Variants in PRKCE observed in about 807,000 individuals in gnomAD.
PRKCE encodes the protein protein kinase C epsilon.
Under a neutral mutation model 85.4 loss-of-function variants are expected in PRKCE, and 16 were observed. The observed-to-expected ratio is 0.19, with a 90% CI of 0.13 to 0.28. PRKCE has a LOEUF of 0.28. Among genes scored for constraint, PRKCE ranks in the 10% least tolerant of loss-of-function variants. PRKCE has a pLI of 1.00. For missense variants in PRKCE, 573 were observed against 975.2 expected (o/e 0.59, Z 5.49); for synonymous variants, 388 against 371.5 (o/e 1.04, Z -0.51).
intron 10 of PRKCE, among the ~76,000 whole-genome samples, chr2:46,072,102 C>A (rs1166553045): frequency 1.3e-5 from 2 of 152,208 alleles, no homozygotes; most frequent in Non-Finnish European, 2.9e-5. Context: ...CAGAGTAAAT[C>A]TGAATGGAAA....
intron 12 of PRKCE, among the ~76,000 whole-genome samples, chr2:46,147,833 A>G (rs1224541338): frequency 6.6e-6 from 1 of 152,222 alleles, no homozygotes; most frequent in Non-Finnish European, 1.5e-5. Flanking sequence ...TTGAGTCCAG[A>G]TTTGACCACA....
chr2:46,005,219 C>G (rs1368547698), intron 8 of PRKCE, among the ~76,000 whole-genome samples: 2 of 152,204 alleles, frequency 1.3e-5, no homozygotes, highest in Non-Finnish European at 2.9e-5. Flanking sequence ...CCAGATATCT[C>G]CTTCTGTCCG....
intron 6 of PRKCE, among the ~76,000 whole-genome samples, chr2:45,996,758 T>G (rs1037216633): frequency 6.6e-6 from 1 of 152,196 alleles, no homozygotes; most frequent in African/African-American, 2.4e-5. Flanking sequence ...GTTGAAGATT[T>G]TTTGCATTCA....
At chr2:46,037,298 G>A (rs1196825749) in intron 10 of PRKCE, among the ~76,000 whole-genome samples, 4 of 152,300 alleles carry the variant, frequency 2.6e-5, no homozygotes, top group Non-Finnish European at 4.4e-5. Context: ...GCGTACTGGC[G>A]CTGAAGATAA....
At chr2:45,871,462 G>A (rs758246429) in intron 2 of PRKCE, among the ~76,000 whole-genome samples, 18 of 152,206 alleles carry the variant, frequency 1.2e-4, no homozygotes, top group Non-Finnish European at 2.1e-4. Context: ...TAGTTGCTCC[G>A]TGGCTTTGCT....
intron 2 of PRKCE, among the ~76,000 whole-genome samples, chr2:45,913,305 G>A (rs191211584): frequency 1.3e-5 from 2 of 152,296 alleles, no homozygotes; most frequent in Admixed American, 6.5e-5. Context: ...GCACCATCAT[G>A]CCAGACTAAT....
At chr2:45,918,444 A>T (rs780235468) in intron 2 of PRKCE, among the ~76,000 whole-genome samples, 6 of 152,242 alleles carry the variant, frequency 3.9e-5, no homozygotes, top group Non-Finnish European at 8.8e-5. Context: ...TATCAACAAT[A>T]CATATTTAAG....
chr2:46,111,503 C>T (rs954478693), intron 11 of PRKCE, among the ~76,000 whole-genome samples: 3 of 152,188 alleles, frequency 2.0e-5, no homozygotes, highest in Admixed American at 2.0e-4. Context: ...GTCCTTCCAT[C>T]CCCTTACCCT....
In PRKCE at chr2:45,989,344, C is replaced by T. The variant is rs374358399; in HGVS notation, c.823+4664C>T. Among the ~76,000 whole-genome samples, 14 of 152,278 alleles carry T rather than the reference C, an allele frequency of 9.2e-5. No homozygotes were observed. In the East Asian group the frequency reaches 2.3e-3, roughly 25 times the overall value. On this transcript the variant is annotated intron_variant, in intron 6 of 14. Coordinates refer to ENST00000306156, the MANE Select transcript of PRKCE (RefSeq NM_005400.3). ...CTGATCTGCGGCTGTTTTCAGGGGC[C>T]AAGGGGACAGGGTGTCCCCTCCTCT...
rs1349049178 is a variant in PRKCE at position 45,980,171 on chromosome 2, A to C, written c.608-125A>C. ...ATAAAAGACTTTAGGGAGGGTATTA[A>C]ATTAAGGCTCAGTGGCAGAAGGGGC... On this transcript the variant is annotated intron_variant, in intron 4 of 14. Coordinates refer to ENST00000306156, the MANE Select transcript of PRKCE (RefSeq NM_005400.3). 3.9e-6 allele frequency: 3 copies of C among 775,938 alleles called. No individual in the cohort carries two copies. In the East Asian group the frequency reaches 8.1e-5, roughly 21 times the overall value. The allele number at this position is 775,938 out of a possible 1,614,324, so 48.1% of individuals were successfully genotyped here.
At chr2:45,947,348 GGT>G in intron 2 of PRKCE, among the ~76,000 whole-genome samples, 1 of 152,060 alleles carries the variant, frequency 6.6e-6, no homozygotes. Flanking sequence ...AGGGATGCCT[GGT>G]AAAGGGTGTG....
chr2:46,058,499 C>T (rs1321626753), intron 10 of PRKCE, among the ~76,000 whole-genome samples: 1 of 152,198 alleles, frequency 6.6e-6, no homozygotes, highest in Admixed American at 6.5e-5. Context: ...ATAAACCTGG[C>T]TTGGAGAAAC....
At chr2:45,677,435 C>T (rs948284532) in intron 1 of PRKCE, among the ~76,000 whole-genome samples, 23 of 149,520 alleles carry the variant, frequency 1.5e-4, no homozygotes, top group Non-Finnish European at 2.2e-4. Context: ...CAGCTCACTG[C>T]AAGCTCCGCT....
At chr2:45,802,500 G>T (rs148190107) in intron 1 of PRKCE, among the ~76,000 whole-genome samples, 1 of 152,056 alleles carries the variant, frequency 6.6e-6, no homozygotes, top group East Asian at 1.9e-4. Context: ...AAACCTCAAC[G>T]GAGTAGACTA....
intron 6 of PRKCE, among the ~76,000 whole-genome samples, chr2:45,990,333 C>T (rs1052169431): frequency 2.6e-5 from 4 of 152,182 alleles, no homozygotes; most frequent in African/African-American, 4.8e-5. Flanking sequence ...GCCCCAGACA[C>T]GAGGCAATGG....
intron 10 of PRKCE, among the ~76,000 whole-genome samples, chr2:46,021,546 G>A (rs892747606): frequency 6.6e-6 from 1 of 152,036 alleles, no homozygotes; most frequent in Non-Finnish European, 1.5e-5. Flanking sequence ...CCTCCCTTTA[G>A]CACTTAGAAA....
intron 2 of PRKCE, among the ~76,000 whole-genome samples, chr2:45,869,818 C>A (rs1693941335): frequency 6.7e-6 from 1 of 149,732 alleles, no homozygotes; most frequent in Admixed American, 6.8e-5. Context: ...AGCAATTCTC[C>A]TGGCTCAGCC....
At chr2:46,038,639 A>T (rs1471881989) in intron 10 of PRKCE, among the ~76,000 whole-genome samples, 1 of 146,894 alleles carries the variant, frequency 6.8e-6, no homozygotes, top group East Asian at 2.0e-4. Flanking sequence ...GAATTAAGGC[A>T]TAGTAACAAC....
intron 2 of PRKCE, among the ~76,000 whole-genome samples, chr2:45,903,881 G>GTTTTT (rs34124689): frequency 0.022 from 2,555 of 116,498 alleles, 144 homozygotes; most frequent in African/African-American, 0.07. Flanking sequence ...TAGCCTGGCA[G>GTTTTT]TTTTTTTTTG....
Sources: gnomAD v4.1 joint callset for allele counts (sites outside exome capture counted in the v4.1 genomes callset) on GRCh38, gnomAD v4.1.1 for gene constraint, MANE v1.5 for transcripts, NCBI Gene and HGNC (gene_info 2026-07-23, HGNC 2026-07-21) for gene names.